Variants in USP28 observed in about 807,000 individuals in gnomAD.
The protein encoded by USP28 is ubiquitin carboxyl-terminal hydrolase 28.
Under a neutral mutation model 145.0 loss-of-function variants are expected in USP28, and 113 were observed. The ratio of observed to expected loss-of-function variants is 0.78; its 90% CI spans 0.67 to 0.91. The LOEUF (loss-of-function observed/expected upper bound fraction) is 0.91, where lower values mean the gene tolerates loss of function less well. Among genes scored for constraint, USP28 ranks in the 40% least tolerant of loss-of-function variants. The probability of loss-of-function intolerance (pLI) is 0.00; values close to 1 mark genes in which losing one functional copy is unlikely to be tolerated. For missense variants in USP28, 1,201 were observed against 1,289.6 expected, an observed-to-expected ratio of 0.93 and a Z score of 1.05; for synonymous variants, 447 against 450.9, an observed-to-expected ratio of 0.99 and a Z score of 0.11.
At chr11:113,831,406 G>A (rs1357313775) in intron 8 of USP28, among the ~76,000 whole-genome samples, 2 of 152,096 alleles carry the variant, frequency 1.3e-5, no homozygotes, top group Non-Finnish European at 2.9e-5. Flanking sequence ...TTGAGTTGCC[G>A]TTTCCAAAAC....
rs1305570004 is a variant in USP28, at chr11:113,834,235, T to C, written c.621+14A>G. On this transcript the variant is annotated intron_variant, in intron 6 of 24. Coordinates refer to ENST00000003302, the Ensembl canonical transcript of USP28. ...ACTAAACAACAGTGAAGAAATTCCT[T>C]GACACCAACTTACTGTATGACTTCG... is the stretch of plus-strand genomic sequence containing the variant. The C allele has an allele frequency of 1.9e-6, 3 of 1,599,766 alleles. No homozygotes were observed. The highest frequency in any genetic ancestry group is 2.6e-6 in the Non-Finnish European group (3 of 1,172,366).
At chr11:113,834,468 G>A in intron 5 of USP28, 133 bp from the exon 6 acceptor site, 1 of 581,854 alleles carries the variant, frequency 1.7e-6, no homozygotes, top group Non-Finnish European at 2.8e-6. Context: ...TTTGACTTAT[G>A]TTATTTCTAA....
At chr11:113,840,991 T>A (rs2428012) in intron 4 of USP28, among the ~76,000 whole-genome samples, 117,539 of 152,146 alleles carry the variant, frequency 0.77, 46,095 homozygotes, top group East Asian at 0.89. Flanking sequence ...GGTCCATGAT[T>A]GAACTAAGTT....
rs752749068 is a variant in USP28 at position 113,799,202 on chromosome 11, C to A, written c.*38G>T. ...AACGAACTTCTGTGCAAGAGGCAGG[C>A]AGCCAGGAACCAGAATGGGCCTTGA... On this transcript the variant is annotated 3_prime_UTR_variant, in exon 25 of 25. Coordinates refer to ENST00000003302, the Ensembl canonical transcript of USP28. The A allele has an allele frequency of 1.1e-5, 17 of 1,586,910 alleles. No homozygotes were observed. In the South Asian group the frequency reaches 1.4e-4, roughly 13 times the overall value.
At position 113,866,293 on chromosome 11, in the gene USP28, G is replaced by A. The variant is rs565089095; in HGVS notation, c.57+9152C>T. Reference sequence around the variant, plus strand: ...GGTGACAGAGCCAGACTCTGTCTTGGGGAAAAAAAAAGAAAAAAGAAATAC... The same window carrying A: ...GGTGACAGAGCCAGACTCTGTCTTGAGGAAAAAAAAAGAAAAAAGAAATAC... On this transcript the variant is annotated intron_variant, in intron 1 of 24. Coordinates refer to ENST00000003302, the Ensembl canonical transcript of USP28. 1.6e-3 allele frequency among the ~76,000 whole-genome samples: 246 copies of A among 151,456 alleles called. 1 individual carries two copies. Among genetic ancestry groups the A allele is most frequent in the Non-Finnish European group, 9.3e-4 (63 of 67,908 alleles).
At chr11:113,837,919 C>T (rs919971526) in intron 5 of USP28, among the ~76,000 whole-genome samples, 1 of 152,124 alleles carries the variant, frequency 6.6e-6, no homozygotes, top group South Asian at 2.1e-4. Flanking sequence ...ACAACTATTT[C>T]AAACTTTCAC....
chr11:113,810,861 C>T (rs1323499461), intron 16 of USP28, among the ~76,000 whole-genome samples: 1 of 152,104 alleles, frequency 6.6e-6, no homozygotes, highest in Non-Finnish European at 1.5e-5. Context: ...TTTTAGTAGA[C>T]ACAGGGTTTT....
At chr11:113,839,668 CACCTGAGGTCAGGAG>C (rs1467372046) in intron 5 of USP28, among the ~76,000 whole-genome samples, 1 of 152,220 alleles carries the variant, frequency 6.6e-6, no homozygotes, top group African/African-American at 2.4e-5. Flanking sequence ...GCGGGCGGAA[CACCTGAGGTCAGGAG>C]TTCGAGACCA....
Position 113,823,585 on chromosome 11 carries a change from T to A in USP28, c.1283+20A>T. 1 of 1,531,684 alleles carries A rather than the reference T, an allele frequency of 6.5e-7. No individual in the cohort carries two copies. Among genetic ancestry groups the A allele is most frequent in the South Asian group, 1.2e-5 (1 of 86,726 alleles). 94.9% of individuals were successfully genotyped at this position (1,531,684 alleles called of 1,614,324 possible). ...TAATATTCTTTTACATTTCTAAGCATGAAGGTGTCCAAAACTCACCTTTCC... is the reference window on the plus strand; with the variant it reads ...TAATATTCTTTTACATTTCTAAGCAAGAAGGTGTCCAAAACTCACCTTTCC... On this transcript the variant is annotated intron_variant, in intron 12 of 24. Transcript: ENST00000003302.
intron 9 of USP28, chr11:113,829,558 T>C (rs1400223436): frequency 1.2e-5 from 7 of 563,616 alleles, no homozygotes; most frequent in East Asian, 3.5e-5. Flanking sequence ...AGGGGCTTCG[T>C]GGCTTATGCC....
chr11:113,805,547 C>T (rs777180735), intron 19 of USP28, among the ~76,000 whole-genome samples: 6 of 152,124 alleles, frequency 3.9e-5, no homozygotes, highest in Non-Finnish European at 7.4e-5. Context: ...TGAGCCACTG[C>T]GCCCAGCCTA....
chr11:113,817,705 TG>T lies in USP28; in HGVS notation c.1415del (p.Pro472HisfsTer44), dbSNP rs1941946805. On this transcript the variant is annotated frameshift_variant, in exon 13 of 25. Coordinates refer to ENST00000003302, the Ensembl canonical transcript of USP28. LOFTEE classifies it high-confidence loss of function. ...AAACCGAGCAGTGCACTGAAGAAAG[TG>T]GTAATGTCATATGTGTGTCACTTTC... The T allele has an allele frequency of 6.2e-7, 1 of 1,614,086 alleles. No individual in the cohort carries two copies.
intron 21 of USP28, 92 bp downstream of exon 22, chr11:113,804,581 T>A: frequency 8.6e-7 from 1 of 1,161,714 alleles, no homozygotes; most frequent in Non-Finnish European, 1.2e-6. Context: ...CAAGTCAGTT[T>A]GTAATAGCAC....
chr11:113,808,945 T>C (rs1940500684), intron 17 of USP28, 118 bp downstream of exon 17: 15 of 960,500 alleles, frequency 1.6e-5, no homozygotes, highest in Admixed American at 2.5e-5. Flanking sequence ...ACCAACTGTA[T>C]ATGAAATATA....
intron 12 of USP28, chr11:113,821,920 G>T (rs1212157002): frequency 6.6e-6 from 1 of 152,174 alleles, no homozygotes; most frequent in Non-Finnish European, 1.5e-5. Context: ...AGGGTGGGGT[G>T]GGGGAGTGGG....
chr11:113,867,831 G>GAGGAAGAA (rs1948443830), intron 1 of USP28, among the ~76,000 whole-genome samples: 1 of 125,298 alleles, frequency 8.0e-6, no homozygotes, highest in Non-Finnish European at 1.7e-5. Flanking sequence ...GGAAGGGAGG[G>GAGGAAGAA]AGGAAGAAAG....
At chr11:113,843,597 G>A (rs897466886) in intron 3 of USP28, among the ~76,000 whole-genome samples, 1 of 151,014 alleles carries the variant, frequency 6.6e-6, no homozygotes, top group African/African-American at 2.4e-5. Context: ...CTTGAACCCA[G>A]GAGGCGGAGG....
chr11:113,823,664 C>T, exon 12 of USP28: 1 of 1,612,242 alleles, frequency 6.2e-7, no homozygotes, highest in Non-Finnish European at 8.5e-7. Flanking sequence ...TACACTCTCT[C>T]TTATTTCGAA....
At position 113,874,473 on chromosome 11, in the gene USP28, G is replaced by A. The variant is rs139928462; in HGVS notation, c.57+972C>T. On this transcript the variant is annotated intron_variant, in intron 1 of 24. Coordinates refer to ENST00000003302, the Ensembl canonical transcript of USP28. The stretch of plus-strand genomic sequence containing the variant: ...AAGTGTCTCCATGCTAAATACTACT[G>A]GCCTTCCAGACAAAAGAGTAAAAAG... 689 of 1,071,870 alleles carry A rather than the reference G, an allele frequency of 6.4e-4. 6 individuals are homozygous for A. In the African/African-American group the frequency reaches 0.011, roughly 18 times the overall value. The allele number at this position is 1,071,870 out of a possible 1,614,324, so 66.4% of individuals were successfully genotyped here. A position where few individuals can be genotyped will look rare whatever the true frequency, so the allele number is the denominator to read the frequency against.
Sources: gnomAD v4.1 joint callset for allele counts (sites outside exome capture counted in the v4.1 genomes callset) on GRCh38, gnomAD v4.1.1 for gene constraint, MANE v1.5 for transcripts, NCBI Gene and HGNC (gene_info 2026-07-23, HGNC 2026-07-21) for gene names.